Variants in MAU2 observed in about 807,000 individuals in gnomAD.
MAU2 encodes MAU2 chromatid cohesion factor homolog.
In MAU2, 9 loss-of-function variants were observed where a neutral mutation model predicts 89.1. The observed-to-expected ratio is 0.10, with a 90% confidence interval of 0.06 to 0.18. The LOEUF (loss-of-function observed/expected upper bound fraction) is 0.18, where lower values mean the gene tolerates loss of function less well. MAU2 is among the 10% of genes least tolerant of loss of function. The pLI is 1.00. For missense variants in MAU2, 425 were observed against 803.5 expected (o/e 0.53, Z 5.69); for synonymous variants, 357 against 343.4 (o/e 1.04, Z -0.44).
intron 1 of MAU2, 72 bp from the exon 2 acceptor site, chr19:19,335,645 GC>G: frequency 6.7e-7 from 1 of 1,499,214 alleles, no homozygotes; most frequent in Non-Finnish European, 9.3e-7. Flanking sequence ...ACCTGTGGAA[GC>G]CCCAGAGCGA....
At chr19:19,327,487 G>A (rs971682181) in intron 1 of MAU2, among the ~76,000 whole-genome samples, 3 of 151,978 alleles carry the variant, frequency 2.0e-5, no homozygotes, top group Admixed American at 6.6e-5. Flanking sequence ...CACCACGCCC[G>A]GCTAATTTTT....
intron 1 of MAU2, among the ~76,000 whole-genome samples, chr19:19,329,742 G>A (rs1223571216): frequency 6.6e-6 from 1 of 151,918 alleles, no homozygotes; most frequent in Admixed American, 6.6e-5. Context: ...GGGAGGCTAA[G>A]GCGGGAGGAG....
At chr19:19,339,044 T>A in intron 5 of MAU2, 105 bp downstream of exon 5, 1 of 854,858 alleles carries the variant, frequency 1.2e-6, no homozygotes, top group Non-Finnish European at 1.8e-6. Flanking sequence ...TGAAGTACAG[T>A]AGCTCACAGT....
intron 6 of MAU2, 51 bp downstream of exon 6, chr19:19,340,924 G>T: frequency 6.2e-7 from 1 of 1,609,370 alleles, no homozygotes; most frequent in Non-Finnish European, 8.5e-7. Context: ...TGGAGGTGAG[G>T]CAGGGCCCCC....
intron 13 of MAU2, chr19:19,348,576 C>T (rs2061714477): frequency 1.9e-6 from 1 of 532,580 alleles, no homozygotes; most frequent in South Asian, 2.0e-5. Context: ...CTCACGGGCC[C>T]CAGCCTGCCA....
chr19:19,335,086 G>C (rs577946231), intron 1 of MAU2, among the ~76,000 whole-genome samples: 3 of 152,306 alleles, frequency 2.0e-5, no homozygotes, highest in Non-Finnish European at 4.4e-5. Flanking sequence ...GGGCACAGTG[G>C]TCCCTGAGTT....
intron 12 of MAU2, among the ~76,000 whole-genome samples, chr19:19,346,323 G>A (rs1186647971): frequency 3.3e-5 from 5 of 152,044 alleles, no homozygotes; most frequent in African/African-American, 4.8e-5. Flanking sequence ...CTCCGTCTCC[G>A]TCTCACTCCC....
chr19:19,343,581 T>G (rs1240894431), intron 9 of MAU2, among the ~76,000 whole-genome samples: 2 of 152,124 alleles, frequency 1.3e-5, no homozygotes, highest in African/African-American at 2.4e-5. Flanking sequence ...CTTGAGCACG[T>G]AGGGTGAGGG....
chr19:19,337,831 T>C (rs2061609791), intron 4 of MAU2, among the ~76,000 whole-genome samples: 1 of 152,292 alleles, frequency 6.6e-6, no homozygotes, highest in South Asian at 2.1e-4. Context: ...CCCCCAGATA[T>C]AGGTGAAGCC....
At chr19:19,324,387 T>A (rs1391425422) in intron 1 of MAU2, among the ~76,000 whole-genome samples, 3 of 152,158 alleles carry the variant, frequency 2.0e-5, no homozygotes, top group African/African-American at 7.2e-5. Context: ...TGAGATCAAA[T>A]GAGGCACCAG....
intron 16 of MAU2, chr19:19,354,100 A>C: frequency 1.9e-6 from 1 of 537,292 alleles, no homozygotes. Flanking sequence ...AGAAGCCCCC[A>C]AAGTTGTCCA....
intron 9 of MAU2, 78 bp downstream of exon 9, chr19:19,342,944 G>C: frequency 6.7e-7 from 1 of 1,491,306 alleles, no homozygotes; most frequent in Non-Finnish European, 9.3e-7. Flanking sequence ...GCTGTACCAG[G>C]GCCCAGTGAC....
At chr19:19,348,973 T>G (rs2061718745) in intron 14 of MAU2, 35 bp downstream of exon 14, 1 of 1,608,238 alleles carries the variant, frequency 6.2e-7, no homozygotes. Flanking sequence ...ACGCACGGCC[T>G]AGGCTCCCCG....
intron 1 of MAU2, among the ~76,000 whole-genome samples, chr19:19,333,347 G>C (rs983427265): frequency 6.6e-6 from 1 of 152,158 alleles, no homozygotes; most frequent in Non-Finnish European, 1.5e-5. Context: ...TTAGCCAGAC[G>C]TGGTGGTTCG....
At position 19,321,132 on chromosome 19, in the gene MAU2, G is replaced by C; in HGVS notation, c.273G>C (p.Lys91Asn). The change falls in exon 1 of 19, where the codon AAG becomes AAC. Residue 91 changes from lysine to asparagine, a missense_variant. Physicochemically the swap from Lys to Asn is moderately conservative, Grantham distance 94. Coordinates refer to ENST00000262815, the MANE Select transcript of MAU2 (RefSeq NM_015329.4). ...AGCAGGCGCGCAGCCACCTGGAGAAGGCGGTGAGCGCGGGCCGGGCCGCGA... is the reference window on the plus strand; with the variant it reads ...AGCAGGCGCGCAGCCACCTGGAGAACGCGGTGAGCGCGGGCCGGGCCGCGA... The part of the protein sequence containing the change: ...NSEQARSHLE[K>N]AWLISQQIPQ... The C allele has an allele frequency of 6.3e-7, 1 of 1,588,728 alleles. No individual in the cohort carries two copies. The highest frequency in any genetic ancestry group is 8.6e-7 in the Non-Finnish European group (1 of 1,167,574).
At chr19:19,346,663 T>C (rs1292872091) in intron 12 of MAU2, among the ~76,000 whole-genome samples, 1 of 152,160 alleles carries the variant, frequency 6.6e-6, no homozygotes, top group African/African-American at 2.4e-5. Context: ...CCAGCCCCAC[T>C]GGGAACCAGG....
intron 5 of MAU2, among the ~76,000 whole-genome samples, chr19:19,339,345 G>T (rs1369750019): frequency 1.3e-5 from 2 of 152,060 alleles, no homozygotes; most frequent in Non-Finnish European, 2.9e-5. Context: ...TACTCGGGAG[G>T]CTGAGGCAGG....
chr19:19,344,994 A>G, intron 11 of MAU2, 68 bp downstream of exon 11: 1 of 1,418,068 alleles, frequency 7.1e-7, no homozygotes, highest in South Asian at 1.2e-5. Context: ...ACCTAACCAG[A>G]TCCAGAACAT....
At chr19:19,342,711 C>A (rs768203707) in intron 8 of MAU2, 30 bp downstream of exon 8, 12 of 1,612,512 alleles carry the variant, frequency 7.4e-6, no homozygotes, top group African/African-American at 1.3e-5. Context: ...CGGGCCAGGG[C>A]TGGGGGCGGG....
Sources: gnomAD v4.1 joint callset for allele counts (sites outside exome capture counted in the v4.1 genomes callset) on GRCh38, gnomAD v4.1.1 for gene constraint, MANE v1.5 for transcripts, NCBI Gene and HGNC (gene_info 2026-07-23, HGNC 2026-07-21) for gene names.